Variants in CSMD2 observed in about 807,000 individuals in gnomAD.
CSMD2 encodes the protein CUB and Sushi multiple domains 2, also known as CUB and sushi domain-containing protein 2.
Under a neutral mutation model 398.5 loss-of-function variants are expected in CSMD2, and 130 were observed. The observed-to-expected ratio is 0.33, with a 90% confidence interval of 0.28 to 0.38. CSMD2 has a LOEUF of 0.38. Among genes scored for constraint, CSMD2 ranks in the 10% least tolerant of loss-of-function variants. The pLI is 1.00. For synonymous variants in CSMD2, 1,828 were observed against 1,908.5 expected, an observed-to-expected ratio of 0.96 and a Z score of 1.10; for missense variants, 3,829 against 4,764.9, an observed-to-expected ratio of 0.80 and a Z score of 5.78.
At chr1:33,921,572 G>C (rs1643940099) in intron 4 of CSMD2, among the ~76,000 whole-genome samples, 1 of 152,192 alleles carries the variant, frequency 6.6e-6, no homozygotes, top group Non-Finnish European at 1.5e-5. Flanking sequence ...TCATGGTGAA[G>C]AAAGGGACAT....
Position 34,089,145 on chromosome 1 carries a change from C to T in CSMD2, c.236G>A (p.Ser79Asn). The change falls in exon 2 of 71, where the codon AGC becomes AAC. Residue 79 changes from serine (S) to asparagine (N), a missense_variant. By Grantham distance (46) the Ser-to-Asn change is conservative. This residue lies in a region of CSMD2 where 184 missense variants were observed against 217.7 expected (regional missense o/e 0.85). Transcript: ENST00000373381. The part of the protein sequence containing the change: ...QLHGPNGTVE[S>N]PGFPYGYPNY... Reference sequence around the variant, plus strand: ...GGGGTAGCCATATGGGAACCCTGGGCTCTCAACTGTCCCATTGGGACCGTG... The same window carrying T: ...GGGGTAGCCATATGGGAACCCTGGGTTCTCAACTGTCCCATTGGGACCGTG... 6.2e-7 allele frequency: 1 copy of T among 1,614,144 alleles called. No individual in the cohort carries two copies. Among genetic ancestry groups the T allele is most frequent in the South Asian group, 1.1e-5 (1 of 91,070 alleles).
intron 41 of CSMD2, among the ~76,000 whole-genome samples, chr1:33,609,785 A>C (rs1250461255): frequency 6.6e-6 from 1 of 152,036 alleles, no homozygotes; most frequent in African/African-American, 2.4e-5. Flanking sequence ...GAATTGTTGA[A>C]AGTGTGTATC....
At chr1:33,728,328 A>G (rs1346426859) in intron 15 of CSMD2, among the ~76,000 whole-genome samples, 1 of 120,806 alleles carries the variant, frequency 8.3e-6, no homozygotes, top group East Asian at 2.7e-4. Context: ...AATATACCCA[A>G]TCCTCTTTTT....
chr1:33,656,834 GT>G (rs1234086534), intron 27 of CSMD2, among the ~76,000 whole-genome samples: 2 of 152,186 alleles, frequency 1.3e-5, no homozygotes, highest in African/African-American at 4.8e-5. Flanking sequence ...TGTTGGGAAA[GT>G]TAAATGAGGT....
At chr1:33,588,862 T>G (rs1460890783) in intron 44 of CSMD2, among the ~76,000 whole-genome samples, 1 of 152,130 alleles carries the variant, frequency 6.6e-6, no homozygotes, top group Non-Finnish European at 1.5e-5. Context: ...ATGAACAGCA[T>G]GGAGTGACAC....
intron 13 of CSMD2, among the ~76,000 whole-genome samples, chr1:33,766,189 G>A (rs1275129407): frequency 6.6e-6 from 1 of 152,164 alleles, no homozygotes; most frequent in Non-Finnish European, 1.5e-5. Context: ...GGGCGCGCGT[G>A]TGTGTGTGGG....
rs77558469 is a variant in CSMD2 at position 33,643,716 on chromosome 1, T to C, written c.4774+2932A>G. 4.0e-3 allele frequency among the ~76,000 whole-genome samples: 615 copies of C among 152,246 alleles called. 4 individuals are homozygous for C. Among genetic ancestry groups the C allele is most frequent in the African/African-American group, 0.014 (596 of 41,540 alleles). The stretch of plus-strand genomic sequence containing the variant: ...ACATGGGAAAATATCCTCAAAGCCA[T>C]GGGACCTGATAGCAAAGTAGACCCA... On this transcript the variant is annotated intron_variant, in intron 29 of 70. Transcript: ENST00000373381.
At position 33,986,418 on chromosome 1, in the gene CSMD2, G is replaced by A. The variant is rs1239467167; in HGVS notation, c.517+46176C>T. On this transcript the variant is annotated intron_variant, in intron 3 of 70. Transcript: ENST00000373381. ...AGGAGTCCTCACATTGCCCCTAGAA[G>A]GGATGTATCCTTGCCATGCCCATTT... 2.0e-5 allele frequency among the ~76,000 whole-genome samples: 3 copies of A among 152,156 alleles called. No individual in the cohort carries two copies. The East Asian group carries it at 5.8e-4, about 29-fold the overall frequency.
At chr1:33,553,239 G>T (rs532369039) in intron 55 of CSMD2, among the ~76,000 whole-genome samples, 1 of 152,168 alleles carries the variant, frequency 6.6e-6, no homozygotes, top group East Asian at 1.9e-4. Flanking sequence ...CCAATAATAC[G>T]TGCTCACTTC....
chr1:33,608,271 C>G (rs1268342713), intron 41 of CSMD2, among the ~76,000 whole-genome samples: 1 of 152,156 alleles, frequency 6.6e-6, no homozygotes, highest in Non-Finnish European at 1.5e-5. Context: ...GCTCATCACA[C>G]GGGGAGCACA....
intron 5 of CSMD2, among the ~76,000 whole-genome samples, chr1:33,904,083 T>C (rs1470230502): frequency 1.3e-5 from 2 of 152,152 alleles, no homozygotes; most frequent in African/African-American, 4.8e-5. Context: ...TAGGGTCTTG[T>C]AGGATTTTAT....
intron 3 of CSMD2, among the ~76,000 whole-genome samples, chr1:33,945,390 A>C (rs1000492595): frequency 6.6e-6 from 1 of 152,190 alleles, no homozygotes; most frequent in African/African-American, 2.4e-5. Flanking sequence ...CCCAGAGGGA[A>C]GAGGTATCTC....
At chr1:33,721,769 G>C (rs1646366286) in intron 19 of CSMD2, among the ~76,000 whole-genome samples, 1 of 152,170 alleles carries the variant, frequency 6.6e-6, no homozygotes, top group South Asian at 2.1e-4. Context: ...AAGTACATGT[G>C]GTGGGACTAT....
At chr1:33,645,329 A>T (rs1643358546) in intron 29 of CSMD2, among the ~76,000 whole-genome samples, 1 of 145,906 alleles carries the variant, frequency 6.9e-6, no homozygotes, top group Admixed American at 7.0e-5. Flanking sequence ...AGTGTTTAGT[A>T]CATATGGAGC....
At chr1:33,752,788 C>G (rs1648440968) in intron 13 of CSMD2, among the ~76,000 whole-genome samples, 1 of 152,122 alleles carries the variant, frequency 6.6e-6, no homozygotes, top group African/African-American at 2.4e-5. Flanking sequence ...ACAGTGAAGG[C>G]CAGGCTAACA....
chr1:34,086,840 C>A (rs547850012), intron 2 of CSMD2, among the ~76,000 whole-genome samples: 1 of 152,240 alleles, frequency 6.6e-6, no homozygotes, highest in East Asian at 1.9e-4. Flanking sequence ...AAAGTCCCTG[C>A]ATGGCCTATG....
chr1:33,803,000 C>T (rs1655791032), intron 10 of CSMD2, among the ~76,000 whole-genome samples: 1 of 152,220 alleles, frequency 6.6e-6, no homozygotes, highest in Non-Finnish European at 1.5e-5. Context: ...CACCCTACTG[C>T]TGTCTGTTGC....
intron 10 of CSMD2, among the ~76,000 whole-genome samples, chr1:33,795,225 A>G (rs907472762): frequency 2.6e-5 from 4 of 152,156 alleles, no homozygotes; most frequent in African/African-American, 9.7e-5. Flanking sequence ...TGTAGCAATC[A>G]GTGTTTGGAG....
chr1:33,745,492 T>C (rs1647274534), intron 13 of CSMD2, among the ~76,000 whole-genome samples: 2 of 152,304 alleles, frequency 1.3e-5, no homozygotes, highest in East Asian at 3.9e-4. Context: ...AAGGTAATGA[T>C]GCTAAGATGA....
Sources: allele counts gnomAD v4.1 joint callset (sites outside exome capture counted in the v4.1 genomes callset), GRCh38; gene constraint gnomAD v4.1.1; regional missense constraint gnomAD v4.1.1; transcripts MANE v1.5; gene names NCBI Gene and HGNC (gene_info 2026-07-23, HGNC 2026-07-21).